Variants in CASD1 observed in about 807,000 individuals in gnomAD.
CASD1 encodes the protein CAS1 domain sialic acid O acetyltransferase 1.
In CASD1, 41 loss-of-function variants were observed where a neutral mutation model predicts 100.0. The ratio of observed to expected loss-of-function variants is 0.41; its 90% CI spans 0.32 to 0.53. The LOEUF (loss-of-function observed/expected upper bound fraction) is 0.53, where lower values mean the gene tolerates loss of function less well. Among genes scored for constraint, CASD1 ranks in the 20% least tolerant of loss-of-function variants. The probability of loss-of-function intolerance (pLI) is 0.25; values close to 1 mark genes in which losing one functional copy is unlikely to be tolerated. For missense variants in CASD1, 774 were observed against 948.7 expected, an observed-to-expected ratio of 0.82 and a Z score of 2.42; for synonymous variants, 321 against 315.6, an observed-to-expected ratio of 1.02 and a Z score of -0.18.
At chr7:94,523,459 GTAACGGCAACAGC>G (rs1794392987) in intron 3 of CASD1, among the ~76,000 whole-genome samples, 1 of 152,146 alleles carries the variant, frequency 6.6e-6, no homozygotes, top group Admixed American at 6.5e-5. Context: ...GTGTGCAATG[GTAACGGCAACAGC>G]TATATGTTAC....
Position 94,510,122 on chromosome 7 carries a change from T to G in CASD1, c.38T>G (p.Ile13Ser). The change falls in exon 1 of 18, where the codon ATC becomes AGC. Residue 13 changes from isoleucine to serine, a missense_variant. Ile to Ser is a moderately radical substitution (Grantham distance 142). Around this residue, in one of 5 missense-constraint regions of CASD1, gnomAD observed 75 missense variants for 60.9 expected, o/e 1.23. Coordinates refer to ENST00000297273, the MANE Select transcript of CASD1 (RefSeq NM_022900.5). ...GCCTACAACCTGGGCAAGCGGGAGA[T>G]CAACCACTACTTCAGCGTGAGGAGC... is the stretch of plus-strand genomic sequence containing the variant. ...ALAYNLGKREINHYFSVRSAK... is the reference protein window; with the variant it reads ...ALAYNLGKRESNHYFSVRSAK... The G allele has an allele frequency of 1.3e-6, 2 of 1,530,016 alleles. No homozygotes were observed. Among genetic ancestry groups the G allele is most frequent in the Non-Finnish European group, 1.8e-6 (2 of 1,137,242 alleles). 94.8% of individuals were successfully genotyped at this position (1,530,016 alleles called of 1,614,324 possible).
chr7:94,626,999 ATT>A, the CASD1 span: 1 of 151,956 alleles, frequency 6.6e-6, no homozygotes, highest in South Asian at 2.1e-4. Context: ...GCATTTATAT[ATT>A]TCTTTTATAA....
the CASD1 span, among the ~76,000 whole-genome samples, chr7:94,606,543 ATCTC>A: frequency 5.3e-5 from 8 of 152,364 alleles, no homozygotes; most frequent in Middle Eastern, 3.4e-3. Context: ...ACATTTCAAC[ATCTC>A]TCTATCAGAA....
chr7:94,566,803 C>G, the CASD1 span, among the ~76,000 whole-genome samples: 2 of 152,072 alleles, frequency 1.3e-5, no homozygotes, highest in Non-Finnish European at 2.9e-5. Context: ...GAGCAGAAAT[C>G]TGGGCCCTCA....
chr7:94,629,534 A>C, the CASD1 span: 3 of 589,374 alleles, frequency 5.1e-6, no homozygotes, highest in East Asian at 9.8e-5. Context: ...ACATTCAAAA[A>C]TAAATTATTT....
the CASD1 span, chr7:94,585,482 C>T: frequency 6.2e-7 from 1 of 1,605,402 alleles, no homozygotes; most frequent in Non-Finnish European, 8.5e-7. Context: ...TTCATTGCTT[C>T]AGTCAGTTTT....
intron 5 of CASD1, among the ~76,000 whole-genome samples, chr7:94,532,315 CTCA>C (rs779035360): frequency 9.9e-5 from 15 of 152,072 alleles, no homozygotes; most frequent in Non-Finnish European, 2.1e-4. Flanking sequence ...ATAACAGTAT[CTCA>C]TCATCACTAT....
At chr7:94,607,619 C>A in the CASD1 span, among the ~76,000 whole-genome samples, 1 of 152,072 alleles carries the variant, frequency 6.6e-6, no homozygotes, top group Non-Finnish European at 1.5e-5. Context: ...AAAAAAAATT[C>A]TTAGTAAACT....
At chr7:94,562,136 A>G in the CASD1 span, among the ~76,000 whole-genome samples, 1 of 152,162 alleles carries the variant, frequency 6.6e-6, no homozygotes, top group African/African-American at 2.4e-5. Context: ...TTCATTTGCT[A>G]CTATCTTAGG....
Position 94,537,513 on chromosome 7 carries a change from G to C in CASD1, c.885G>C (p.Leu295Phe), listed in dbSNP as rs1347199339. 1 of 1,611,834 alleles carries C rather than the reference G, an allele frequency of 6.2e-7. No individual in the cohort carries two copies. The highest frequency in any genetic ancestry group is 1.7e-5 in the Admixed American group (1 of 59,394). ...ILMNVYCNKILKPVDGSCCQP... is the reference protein window; with the variant it reads ...ILMNVYCNKIFKPVDGSCCQP... ...TGAATGTGTATTGCAATAAGATTTT[G>C]AAGCCTGTAGATGGGTCCTGTTGTC... The change falls in exon 9 of 18, where the codon TTG (leucine) becomes TTC (phenylalanine). Residue 295 changes from leucine (L) to phenylalanine (F), a missense_variant. Leu to Phe is a conservative substitution (Grantham distance 22, BLOSUM62 0). This residue lies in a region of CASD1 where 453 missense variants were observed against 532.6 expected (regional missense o/e 0.85). Transcript: ENST00000297273.
At chr7:94,544,932 T>C (rs1366378471) in intron 11 of CASD1, among the ~76,000 whole-genome samples, 1 of 152,140 alleles carries the variant, frequency 6.6e-6, no homozygotes, top group Non-Finnish European at 1.5e-5. Flanking sequence ...CTTGAGTTGT[T>C]ATCTTTATAT....
At chr7:94,527,258 T>C (rs758282080) in intron 4 of CASD1, 52 bp downstream of exon 4, 6 of 1,248,146 alleles carry the variant, frequency 4.8e-6, no homozygotes, top group South Asian at 3.7e-5. Flanking sequence ...ACTATATTCA[T>C]TGGTTAATTG....
At chr7:94,511,154 A>G (rs1406687865) in intron 1 of CASD1, among the ~76,000 whole-genome samples, 1 of 152,206 alleles carries the variant, frequency 6.6e-6, no homozygotes, top group Non-Finnish European at 1.5e-5. Context: ...GAAATTAATA[A>G]TGATAGGATC....
Position 94,537,529 on chromosome 7 carries a change from T to A in CASD1, c.901T>A (p.Ser301Thr), listed in dbSNP as rs1397880537. The A allele has an allele frequency of 6.2e-7, 1 of 1,613,864 alleles. No individual in the cohort carries two copies. Among genetic ancestry groups the A allele is most frequent in the Admixed American group, 1.7e-5 (1 of 59,980 alleles). ...TAAGATTTTGAAGCCTGTAGATGGG[T>A]CCTGTTGTCAACCTCGGCCTCCTGT... ...CNKILKPVDG[S>T]CCQPRPPVTL... is the part of the protein sequence containing the mutation. The change falls in exon 9 of 18, where the codon TCC becomes ACC. Residue 301 changes from serine to threonine, a missense_variant. Physicochemically the swap from Ser to Thr is moderately conservative, Grantham distance 58. This residue lies in a region of CASD1 where 453 missense variants were observed against 532.6 expected (regional missense o/e 0.85). Coordinates refer to ENST00000297273, the MANE Select transcript of CASD1 (RefSeq NM_022900.5).
In CASD1 at chr7:94,527,153, T is replaced by C. The variant is rs929197754; in HGVS notation, c.352-9T>C. On this transcript the variant is annotated splice_polypyrimidine_tract_variant and intron_variant, in intron 3 of 17. Coordinates refer to ENST00000297273, the MANE Select transcript of CASD1 (RefSeq NM_022900.5). ...TACATTAATATTTCTCTGTCTCCTTTTATGGCAGCATGAAAACATTCCTTT... is the reference window on the plus strand; with the variant it reads ...TACATTAATATTTCTCTGTCTCCTTCTATGGCAGCATGAAAACATTCCTTT... 11 of 1,604,982 alleles carry C rather than the reference T, an allele frequency of 6.9e-6. No homozygotes were observed. The highest frequency in any genetic ancestry group is 9.4e-6 in the Non-Finnish European group (11 of 1,172,610).
Position 94,547,191 on chromosome 7 carries a change from T to C in CASD1, c.1713+16T>C. ...ATATTCTCAGGTTTGTACAATCTTT[T>C]CAGTTTATATTTTTTCATATTTTAT... On this transcript the variant is annotated intron_variant, in intron 13 of 17. Coordinates refer to ENST00000297273, the MANE Select transcript of CASD1 (RefSeq NM_022900.5). 6.6e-7 allele frequency: 1 copy of C among 1,505,712 alleles called. No individual in the cohort carries two copies. The highest frequency in any genetic ancestry group is 9.0e-7 in the Non-Finnish European group (1 of 1,114,708). 93.3% of individuals were successfully genotyped at this position (1,505,712 alleles called of 1,614,324 possible).
At chr7:94,527,319 G>C (rs1265359783) in intron 4 of CASD1, 113 bp downstream of exon 4, 1 of 748,974 alleles carries the variant, frequency 1.3e-6, no homozygotes, top group Non-Finnish European at 2.2e-6. Context: ...AAGAATATTA[G>C]GATAGTGGAA....
the CASD1 span, chr7:94,587,152 T>G: frequency 2.0e-6 from 2 of 984,514 alleles, no homozygotes; most frequent in Non-Finnish European, 2.4e-6. Flanking sequence ...GGAAAACTCT[T>G]TGGCTCTTAT....
the CASD1 span, chr7:94,619,623 G>A: frequency 6.6e-6 from 1 of 152,098 alleles, no homozygotes; most frequent in African/African-American, 2.4e-5. Flanking sequence ...TATTCTAATT[G>A]TTCTCTTACG....
Sources: gnomAD v4.1 joint callset for allele counts (sites outside exome capture counted in the v4.1 genomes callset) on GRCh38, gnomAD v4.1.1 for gene constraint, gnomAD v4.1.1 regional missense constraint, MANE v1.5 for transcripts, NCBI Gene and HGNC (gene_info 2026-07-23, HGNC 2026-07-21) for gene names.